The following B4GALT5 variants were observed in gnomAD, a reference collection of about 807,000 sequenced individuals.
B4GALT5 encodes the protein UDP-Gal:beta-GlcNAc beta-1,4-galactosyltransferase 5.
A neutral mutation model predicts 45.0 loss-of-function variants in B4GALT5; 11 were observed. The ratio of observed to expected loss-of-function variants is 0.24; its 90% CI spans 0.15 to 0.40. The LOEUF is 0.40. Ranked by LOEUF, B4GALT5 falls within the 10% of genes least tolerant of loss-of-function variation. The pLI is 1.00. For missense variants in B4GALT5, 337 were observed against 500.2 expected, an observed-to-expected ratio of 0.67 and a Z score of 3.11; for synonymous variants, 185 against 182.9, an observed-to-expected ratio of 1.01 and a Z score of -0.09.
intron 1 of B4GALT5, among the ~76,000 whole-genome samples, chr20:49,698,142 C>T (rs889943535): frequency 2.0e-5 from 3 of 151,824 alleles, no homozygotes; most frequent in Admixed American, 6.6e-5. Context: ...GCCAACATGG[C>T]GAAACCCCAT....
At chr20:49,695,411 GTTTAT>G (rs1473721022) in intron 1 of B4GALT5, among the ~76,000 whole-genome samples, 160 of 129,096 alleles carry the variant, frequency 1.2e-3, no homozygotes, top group Non-Finnish European at 9.1e-4. Context: ...GTCTGTTGTG[GTTTAT>G]TTTTTTTTTT....
chr20:49,665,682 CA>C (rs2085687429), intron 1 of B4GALT5, among the ~76,000 whole-genome samples: 1 of 149,644 alleles, frequency 6.7e-6, no homozygotes, highest in African/African-American at 2.5e-5. Context: ...TCCCTGCCAT[CA>C]CCTTGCAATG....
rs186791009 is a variant in B4GALT5 at position 49,640,856 on chromosome 20, C to T, written c.607-191G>A. ...TGGACCTCTGGCATGGGCACAGTGG[C>T]TCACGCCTGTAATCCCAGCACTTTG... On this transcript the variant is annotated intron_variant, in intron 5 of 8. Coordinates refer to ENST00000371711, the MANE Select transcript of B4GALT5 (RefSeq NM_004776.4). Among the ~76,000 whole-genome samples the T allele has an allele frequency of 2.6e-5, 4 of 152,080 alleles. No homozygotes were observed. The East Asian group carries it at 5.8e-4, about 22-fold the overall frequency.
chr20:49,637,883 G>A (rs1248603079), intron 7 of B4GALT5, among the ~76,000 whole-genome samples: 1 of 151,978 alleles, frequency 6.6e-6, no homozygotes, highest in Non-Finnish European at 1.5e-5. Context: ...AGGTTGCAGT[G>A]AGCAAAATTG....
At chr20:49,644,949 G>A (rs1463639343) in intron 3 of B4GALT5, among the ~76,000 whole-genome samples, 9 of 151,982 alleles carry the variant, frequency 5.9e-5, no homozygotes, top group Non-Finnish European at 2.9e-5. Flanking sequence ...AAAAAAAGAA[G>A]TGGGGAACCA....
intron 7 of B4GALT5, 33 bp downstream of exon 7, chr20:49,639,645 T>G: frequency 6.2e-7 from 1 of 1,610,908 alleles, no homozygotes; most frequent in Non-Finnish European, 8.5e-7. Flanking sequence ...AAGGTAGCAT[T>G]TCTAGAAGAC....
chr20:49,651,074 A>T (rs1295899359), intron 2 of B4GALT5, among the ~76,000 whole-genome samples: 1 of 152,202 alleles, frequency 6.6e-6, no homozygotes, highest in Non-Finnish European at 1.5e-5. Flanking sequence ...ACCCAAGGTC[A>T]GGAGTTCCAG....
At chr20:49,644,443 G>A (rs1040439451) in intron 3 of B4GALT5, among the ~76,000 whole-genome samples, 1 of 152,106 alleles carries the variant, frequency 6.6e-6, no homozygotes, top group Admixed American at 6.5e-5. Context: ...GTCATGTCAG[G>A]TTTGCTCCTG....
chr20:49,682,545 CCAGA>C (rs1163199941), intron 1 of B4GALT5, among the ~76,000 whole-genome samples: 1 of 152,128 alleles, frequency 6.6e-6, no homozygotes, highest in Non-Finnish European at 1.5e-5. Flanking sequence ...GCAGCGCTGC[CCAGA>C]CAACCACATG....
intron 1 of B4GALT5, among the ~76,000 whole-genome samples, chr20:49,704,643 C>T (rs927160074): frequency 4.0e-5 from 6 of 149,208 alleles, no homozygotes; most frequent in Non-Finnish European, 7.4e-5. Flanking sequence ...GGCGTGAACC[C>T]GGGAGGCGGA....
At chr20:49,708,231 CGA>C (rs1349994256) in intron 1 of B4GALT5, among the ~76,000 whole-genome samples, 1 of 151,848 alleles carries the variant, frequency 6.6e-6, no homozygotes, top group African/African-American at 2.4e-5. Context: ...GGTGACAGAG[CGA>C]GAGACTTCAT....
intron 1 of B4GALT5, among the ~76,000 whole-genome samples, chr20:49,707,899 C>A (rs1434492723): frequency 1.3e-5 from 2 of 151,310 alleles, no homozygotes; most frequent in Non-Finnish European, 2.9e-5. Flanking sequence ...AAGGCATGAG[C>A]CACCTTGCCC....
chr20:49,647,743 T>C (rs1309452738), intron 2 of B4GALT5, among the ~76,000 whole-genome samples: 1 of 152,192 alleles, frequency 6.6e-6, no homozygotes, highest in Non-Finnish European at 1.5e-5. Context: ...CACCAAGACA[T>C]TTCCTCCTAA....
chr20:49,652,404 G>A (rs1455420541), intron 2 of B4GALT5, among the ~76,000 whole-genome samples: 1 of 151,456 alleles, frequency 6.6e-6, no homozygotes, highest in Non-Finnish European at 1.5e-5. Flanking sequence ...ATATATACTA[G>A]AAAGATGCCA....
intron 1 of B4GALT5, among the ~76,000 whole-genome samples, chr20:49,712,841 G>GT (rs2085921752): frequency 6.7e-6 from 1 of 148,816 alleles, no homozygotes; most frequent in South Asian, 2.2e-4. Context: ...GCGAGGTGGG[G>GT]GGGGGGGAGA....
rs752506342 is a variant in B4GALT5, at chr20:49,636,374, C to T, written c.1105G>A (p.Ala369Thr). ...TTGACAGTTATGTTTTTATACAAGG[C>T]GTCGTATGTGATGTTTGCAAAGTAG... Reference protein sequence around the residue: ...LNYFANITYDALYKNITVNLT... With the variant: ...LNYFANITYDTLYKNITVNLT... The change falls in exon 9 of 9, where the codon GCC (alanine) becomes ACC (threonine). Residue 369 changes from alanine to threonine, a missense_variant. Coordinates refer to ENST00000371711, the MANE Select transcript of B4GALT5 (RefSeq NM_004776.4). The T allele has an allele frequency of 1.1e-5, 17 of 1,613,970 alleles. No homozygotes were observed. The highest frequency in any genetic ancestry group is 4.0e-5 in the African/African-American group (3 of 74,888).
Position 49,639,862 on chromosome 20 carries a change from G to A in B4GALT5, c.795-62C>T. 10 of 1,587,464 alleles carry A rather than the reference G, an allele frequency of 6.3e-6. No individual in the cohort carries two copies. In the South Asian group the frequency reaches 1.1e-4, roughly 18 times the overall value. ...TACAGGGTAACTGTTTTCCCTAGAAGGTTCTCATTTGAGGACTAAAAACAG... is the reference window on the plus strand; with the variant it reads ...TACAGGGTAACTGTTTTCCCTAGAAAGTTCTCATTTGAGGACTAAAAACAG... On this transcript the variant is annotated intron_variant, in intron 6 of 8. Transcript: ENST00000371711.
chr20:49,700,713 T>G (rs1304068155), intron 1 of B4GALT5, among the ~76,000 whole-genome samples: 1 of 152,186 alleles, frequency 6.6e-6, no homozygotes, highest in Admixed American at 6.5e-5. Flanking sequence ...CTACTAAATG[T>G]GTATACAGCG....
chr20:49,712,516 G>A (rs1440205456), intron 1 of B4GALT5, among the ~76,000 whole-genome samples: 1 of 152,070 alleles, frequency 6.6e-6, no homozygotes, highest in East Asian at 1.9e-4. Context: ...TCCTTTAAAG[G>A]ATAAGACTTT....
Sources: allele counts gnomAD v4.1 joint callset (sites outside exome capture counted in the v4.1 genomes callset), GRCh38; gene constraint gnomAD v4.1.1; transcripts MANE v1.5; gene names NCBI Gene and HGNC (gene_info 2026-07-23, HGNC 2026-07-21).